The following MAGI2 variants were observed in gnomAD, a reference collection of about 807,000 sequenced individuals.
MAGI2 encodes the protein membrane-associated guanylate kinase, WW and PDZ domain-containing protein 2.
Under a neutral mutation model 133.3 loss-of-function variants are expected in MAGI2, and 35 were observed. That is an observed-to-expected ratio of 0.26 (90% CI 0.20 to 0.35). The LOEUF (loss-of-function observed/expected upper bound fraction) is 0.35, where lower values mean the gene tolerates loss of function less well. Ranked by LOEUF, MAGI2 falls within the 10% of genes least tolerant of loss-of-function variation. The pLI is 1.00. For synonymous variants in MAGI2, 729 were observed against 710.6 expected (o/e 1.03, Z -0.41); for missense variants, 1,636 against 1,863.4 (o/e 0.88, Z 2.25).
At chr7:79,117,743 T>C (rs1241846197) in intron 1 of MAGI2, among the ~76,000 whole-genome samples, 1 of 152,184 alleles carries the variant, frequency 6.6e-6, no homozygotes, top group African/African-American at 2.4e-5. Context: ...AACAAATGAT[T>C]CTGTTCTTAT....
chr7:78,571,231 G>A (rs923770427), intron 3 of MAGI2, among the ~76,000 whole-genome samples: 1 of 152,164 alleles, frequency 6.6e-6, no homozygotes, highest in Non-Finnish European at 1.5e-5. Context: ...TTGAGAAAGA[G>A]AGAATAATCT....
chr7:78,896,405 C>T (rs1797216126), intron 2 of MAGI2, among the ~76,000 whole-genome samples: 2 of 151,696 alleles, frequency 1.3e-5, no homozygotes, highest in Admixed American at 6.6e-5. Flanking sequence ...TTAATCTGGT[C>T]GCTTAAACAG....
chr7:78,878,516 G>C (rs1191280916), intron 2 of MAGI2, among the ~76,000 whole-genome samples: 1 of 152,186 alleles, frequency 6.6e-6, no homozygotes, highest in African/African-American at 2.4e-5. Context: ...ATTTGCTTAA[G>C]ACAGTCAATA....
In MAGI2 at chr7:78,943,940, C is replaced by T. The variant is rs1310857286; in HGVS notation, c.418+63150G>A. On this transcript the variant is annotated intron_variant, in intron 2 of 21. Transcript: ENST00000354212. ...TTTTAAACTAATACATGTAATTTTACTCTATTTTCACTGCAGACTTGTGAA... is the reference window on the plus strand; with the variant it reads ...TTTTAAACTAATACATGTAATTTTATTCTATTTTCACTGCAGACTTGTGAA... Among the ~76,000 whole-genome samples the T allele has an allele frequency of 1.6e-4, 24 of 152,110 alleles. 1 individual carries two copies. Among genetic ancestry groups the T allele is most frequent in the Non-Finnish European group, 1.5e-4 (10 of 68,004 alleles).
intron 1 of MAGI2, among the ~76,000 whole-genome samples, chr7:79,089,691 C>G (rs1187308783): frequency 6.6e-6 from 1 of 151,898 alleles, no homozygotes; most frequent in African/African-American, 2.4e-5. Flanking sequence ...TCATTCTCAG[C>G]AAACTAACCC....
chr7:79,057,933 G>T (rs1294703746), intron 1 of MAGI2, among the ~76,000 whole-genome samples: 1 of 149,656 alleles, frequency 6.7e-6, no homozygotes, highest in Non-Finnish European at 1.5e-5. Flanking sequence ...TATACAAATT[G>T]TTCCTGCCCA....
intron 2 of MAGI2, among the ~76,000 whole-genome samples, chr7:78,868,052 G>C (rs1291623515): frequency 6.6e-6 from 1 of 152,060 alleles, no homozygotes; most frequent in African/African-American, 2.4e-5. Context: ...AAAATTCAAA[G>C]CAGAGTATTA....
rs1208157642 is a variant in MAGI2, at chr7:78,019,477, G to GGCCTCCA, written c.4199_4205dup (p.Glu1403GlyfsTer40). The GGCCTCCA allele has an allele frequency of 1.0e-6, 1 of 979,854 alleles. No homozygotes were observed. The highest frequency in any genetic ancestry group is 1.8e-5 in the African/African-American group (1 of 56,438). 60.7% of individuals were successfully genotyped at this position (979,854 alleles called of 1,614,324 possible). ...CCGCGCGCGCACCCGCCCTGCCCTCGGCCTCCAGCGCGCCGCTGCCGCCGC... is the reference window on the plus strand; with the variant it reads ...CCGCGCGCGCACCCGCCCTGCCCTCGGCCTCCAGCCTCCAGCGCGCCGCTGCCGCCGC... On this transcript the variant is annotated frameshift_variant, in exon 22 of 22. Coordinates refer to ENST00000354212, the MANE Select transcript of MAGI2 (RefSeq NM_012301.4). LOFTEE classifies it low-confidence loss of function (END_TRUNC).
chr7:78,681,313 T>C (rs563535258), intron 2 of MAGI2, among the ~76,000 whole-genome samples: 10 of 152,204 alleles, frequency 6.6e-5, no homozygotes, highest in Non-Finnish European at 1.3e-4. Context: ...TTTTCTTTGG[T>C]ATATTTCAAA....
chr7:78,751,455 C>T (rs377156641), intron 2 of MAGI2, among the ~76,000 whole-genome samples: 18 of 152,294 alleles, frequency 1.2e-4, no homozygotes, highest in South Asian at 4.1e-4. Flanking sequence ...AAACCTCACA[C>T]GAATGACCTA....
chr7:78,561,072 T>C (rs1800351709), intron 3 of MAGI2, among the ~76,000 whole-genome samples: 2 of 152,122 alleles, frequency 1.3e-5, no homozygotes, highest in Non-Finnish European at 2.9e-5. Context: ...TAGCAAAAAC[T>C]TAGAAAGCAG....
intron 1 of MAGI2, among the ~76,000 whole-genome samples, chr7:79,236,921 T>C (rs1831965675): frequency 6.6e-6 from 1 of 152,146 alleles, no homozygotes; most frequent in East Asian, 1.9e-4. Context: ...GGTGTGCAAC[T>C]GTAGTCCCAG....
At chr7:78,293,648 T>G (rs903946750) in intron 9 of MAGI2, among the ~76,000 whole-genome samples, 3 of 152,178 alleles carry the variant, frequency 2.0e-5, no homozygotes, top group Non-Finnish European at 4.4e-5. Flanking sequence ...GTGTTTATTG[T>G]GGCACTATTC....
At chr7:78,082,030 A>G (rs1045458282) in intron 20 of MAGI2, among the ~76,000 whole-genome samples, 1 of 152,176 alleles carries the variant, frequency 6.6e-6, no homozygotes, top group African/African-American at 2.4e-5. Flanking sequence ...AGAGGGAGGT[A>G]TAAACCCCCT....
At chr7:79,112,337 T>TCC in intron 1 of MAGI2, among the ~76,000 whole-genome samples, 1 of 152,284 alleles carries the variant, frequency 6.6e-6, no homozygotes, top group East Asian at 1.9e-4. Flanking sequence ...CTCTGGAACA[T>TCC]CCACCTGTTA....
intron 9 of MAGI2, among the ~76,000 whole-genome samples, chr7:78,269,034 TGTTTC>T (rs1301882940): frequency 9.9e-5 from 15 of 152,148 alleles, no homozygotes; most frequent in Non-Finnish European, 1.5e-5. Flanking sequence ...GAACATGTGG[TGTTTC>T]GTTTTCTGTT....
chr7:79,188,492 T>A (rs537121665), intron 1 of MAGI2, among the ~76,000 whole-genome samples: 7 of 152,004 alleles, frequency 4.6e-5, no homozygotes, highest in Admixed American at 2.0e-4. Flanking sequence ...TTCCATGGTG[T>A]ATATGTACCA....
intron 6 of MAGI2, among the ~76,000 whole-genome samples, chr7:78,415,526 T>C (rs1054652478): frequency 2.0e-5 from 3 of 152,074 alleles, no homozygotes; most frequent in Non-Finnish European, 4.4e-5. Context: ...ATAATAAGTC[T>C]AGGTTGATGG....
intron 1 of MAGI2, among the ~76,000 whole-genome samples, chr7:79,101,870 C>T (rs1324430175): frequency 2.0e-5 from 3 of 151,574 alleles, no homozygotes; most frequent in Non-Finnish European, 4.4e-5. Flanking sequence ...CTGTCTATAA[C>T]ATATATATCA....
Sources: gnomAD v4.1 joint callset for allele counts (sites outside exome capture counted in the v4.1 genomes callset) on GRCh38, gnomAD v4.1.1 for gene constraint, MANE v1.5 for transcripts, NCBI Gene and HGNC (gene_info 2026-07-23, HGNC 2026-07-21) for gene names.